DHRS2: variants seen among roughly 807,000 people sequenced by gnomAD.
DHRS2 encodes the protein dehydrogenase/reductase 2.
Under a neutral mutation model 26.3 loss-of-function variants are expected in DHRS2, and 29 were observed. The observed-to-expected ratio is 1.10, with a 90% CI of 0.82 to 1.50. DHRS2 has a LOEUF of 1.50. Ranked by LOEUF, DHRS2 falls within the 40% of genes most tolerant of loss-of-function variation. The pLI, the probability that DHRS2 is intolerant of heterozygous loss-of-function variation, is 0.00. For synonymous variants in DHRS2, 164 were observed against 151.3 expected, an observed-to-expected ratio of 1.08 and a Z score of -0.62; for missense variants, 439 against 367.1, an observed-to-expected ratio of 1.20 and a Z score of -1.60.
At position 23,644,411 on chromosome 14, in the gene DHRS2, G is replaced by T. The variant is rs765882203; in HGVS notation, c.543G>T (p.Ala181=). The T allele has an allele frequency of 5.6e-5, 91 of 1,613,948 alleles. No individual in the cohort carries two copies. The highest frequency in any genetic ancestry group is 1.6e-4 in the Middle Eastern group (1 of 6,082). The change falls in exon 7 of 9, where the codon GCG becomes GCT. Residue 181 remains alanine (A), a splice_region_variant and synonymous_variant. Coordinates refer to ENST00000250383, the MANE Select transcript of DHRS2 (RefSeq NM_005794.4). ...SSIAAYNPVV[A]LGVYNVSKTA... ...CACTCTGTCAATTCCCTTCCCAGGC[G>T]CTGGGTGTCTACAATGTCAGCAAGA...
chr14:23,642,191 G>C (rs2138388533), intron 4 of DHRS2: 2 of 1,015,312 alleles, frequency 2.0e-6, no homozygotes, highest in African/African-American at 1.7e-5. Context: ...GGAAAGCTCA[G>C]AGCCAAGTCT....
At position 23,644,129 on chromosome 14, in the gene DHRS2, G is replaced by T. The variant is rs755752155; in HGVS notation, c.507G>T (p.Leu169=). 8.7e-6 allele frequency: 14 copies of T among 1,613,918 alleles called. No homozygotes were observed. The East Asian group carries it at 8.9e-5, about 10-fold the overall frequency. ...GTCTCAGGAGGGGTGCTGTCATCCT[G>T]GTCTCTTCCATTGCAGCTTATAATC... is the stretch of plus-strand genomic sequence containing the variant. ...YMENRRGAVI[L]VSSIAAYNPV... The change falls in exon 6 of 9, where the codon CTG becomes CTT. Residue 169 remains leucine, a synonymous_variant. Transcript: ENST00000250383.
chr14:23,644,263 A>T, intron 6 of DHRS2, 101 bp downstream of exon 6: 1 of 1,558,926 alleles, frequency 6.4e-7, no homozygotes, highest in Non-Finnish European at 8.8e-7. Flanking sequence ...ACAGACCCCC[A>T]CCATCCTCCT....
chr14:23,637,432 G>A (rs1431279002), intron 1 of DHRS2, among the ~76,000 whole-genome samples: 1 of 152,170 alleles, frequency 6.6e-6, no homozygotes, highest in Non-Finnish European at 1.5e-5. Context: ...TATTCCTGAA[G>A]CTAGGATAGG....
chr14:23,643,432 A>G (rs1256368537), intron 5 of DHRS2: 6 of 561,018 alleles, frequency 1.1e-5, no homozygotes, highest in Middle Eastern at 4.8e-4. Flanking sequence ...GGGCCCAGGC[A>G]TAGCCTCCTT....
At chr14:23,635,718 G>A (rs1269691498), upstream of DHRS2, among the ~76,000 whole-genome samples, 2 of 152,250 alleles carry the variant, frequency 1.3e-5, no homozygotes, top group Non-Finnish European at 2.9e-5. Flanking sequence ...GAGCCCTTCA[G>A]CCCACCACTG....
upstream of DHRS2, among the ~76,000 whole-genome samples, chr14:23,633,689 T>C (rs2138357325): frequency 6.6e-6 from 1 of 152,322 alleles, no homozygotes; most frequent in Middle Eastern, 3.4e-3. Flanking sequence ...CTCTGCTTCC[T>C]GGCTAGGATA....
At chr14:23,638,774 C>T in intron 1 of DHRS2, 53 bp from the exon 2 acceptor site, 4 of 1,532,126 alleles carry the variant, frequency 2.6e-6, no homozygotes, top group Admixed American at 3.7e-5. Flanking sequence ...GGGTAGATTA[C>T]CTTCATGCTC....
At chr14:23,635,820 C>G (rs1472725932), upstream of DHRS2, among the ~76,000 whole-genome samples, 1 of 152,210 alleles carries the variant, frequency 6.6e-6, no homozygotes, top group Non-Finnish European at 1.5e-5. Flanking sequence ...CCGGCAGGAG[C>G]CCACACTGTA....
At chr14:23,639,977 ACT>A (rs1890569646) in intron 4 of DHRS2, 82 bp downstream of exon 4, 11 of 1,218,186 alleles carry the variant, frequency 9.0e-6, no homozygotes, top group African/African-American at 1.6e-5. Context: ...GCCCACCAAG[ACT>A]CTGTTTCCCT....
upstream of DHRS2, among the ~76,000 whole-genome samples, chr14:23,635,170 G>A (rs560962694): frequency 5.9e-5 from 9 of 151,772 alleles, no homozygotes; most frequent in Middle Eastern, 3.4e-3. Context: ...TCAAGCAATC[G>A]TCCCATCTTA....
At chr14:23,643,413 G>A (rs758802377) in intron 5 of DHRS2, 194 bp downstream of exon 5, 10 of 585,066 alleles carry the variant, frequency 1.7e-5, no homozygotes, top group Non-Finnish European at 3.0e-5. Context: ...GATGAGAGTA[G>A]TATTCCAGGG....
At chr14:23,639,616 C>T (rs978584755) in intron 3 of DHRS2, among the ~76,000 whole-genome samples, 178 bp from the exon 4 acceptor site, 2 of 152,068 alleles carry the variant, frequency 1.3e-5, no homozygotes, top group Non-Finnish European at 2.9e-5. Flanking sequence ...CAGAGGGACT[C>T]CTGGAGCAGA....
upstream of DHRS2, among the ~76,000 whole-genome samples, chr14:23,632,198 T>C (rs1890139783): frequency 6.6e-6 from 1 of 152,196 alleles, no homozygotes; most frequent in Non-Finnish European, 1.5e-5. Flanking sequence ...TGGATTCCTC[T>C]CAACCTCAAA....
chr14:23,640,062 A>C, intron 4 of DHRS2, 167 bp downstream of exon 4: 1 of 704,746 alleles, frequency 1.4e-6, no homozygotes, highest in Non-Finnish European at 2.0e-6. Context: ...ATGTGCCCGG[A>C]TGCTACTTTC....
rs1349844832 is a variant in DHRS2, at chr14:23,639,271, C to G, written c.233C>G (p.Ala78Gly). The G allele has an allele frequency of 6.2e-7, 1 of 1,611,558 alleles. No individual in the cohort carries two copies. ...RKQQNVDRAMAKLQGEGLSVA... is the reference protein window; with the variant it reads ...RKQQNVDRAMGKLQGEGLSVA... Reference sequence around the variant, plus strand: ...CAGCAGAACGTGGACCGGGCCATGGCCAAGCTGCAGGGGGAGGGGCTGAGT... The same window carrying G: ...CAGCAGAACGTGGACCGGGCCATGGGCAAGCTGCAGGGGGAGGGGCTGAGT... Residue 78 changes from alanine (A) to glycine (G), a missense_variant, in exon 3 of 9, where the codon GCC becomes GGC. Ala to Gly is a moderately conservative substitution (Grantham distance 60, BLOSUM62 0). Transcript: ENST00000250383.
intron 1 of DHRS2, chr14:23,638,077 T>A (rs538419257): frequency 6.6e-6 from 1 of 152,308 alleles, no homozygotes; most frequent in South Asian, 2.1e-4. Flanking sequence ...GCTGTAACAC[T>A]CACCACGAAG....
intron 5 of DHRS2, chr14:23,643,702 G>C (rs1360911851): frequency 1.0e-5 from 3 of 295,356 alleles, no homozygotes; most frequent in African/African-American, 2.1e-5. Flanking sequence ...AACTGGCCAG[G>C]GGCTGTCTTC....
intron 4 of DHRS2, 132 bp from the exon 5 acceptor site, chr14:23,643,020 G>T: frequency 1.2e-6 from 1 of 827,512 alleles, no homozygotes; most frequent in Non-Finnish European, 2.0e-6. Context: ...AGTCAGAAGG[G>T]GGATTGGTTT....
Sources: allele counts gnomAD v4.1 joint callset (sites outside exome capture counted in the v4.1 genomes callset), GRCh38; gene constraint gnomAD v4.1.1; transcripts MANE v1.5; gene names NCBI Gene and HGNC (gene_info 2026-07-23, HGNC 2026-07-21).